Variants in MAGI1 observed in about 807,000 individuals in gnomAD.
MAGI1 encodes membrane-associated guanylate kinase, WW and PDZ domain-containing protein 1.
Under a neutral mutation model 139.9 loss-of-function variants are expected in MAGI1, and 58 were observed. The observed-to-expected ratio is 0.41, with a 90% confidence interval of 0.34 to 0.52. The LOEUF (loss-of-function observed/expected upper bound fraction) is 0.52. Ranked by LOEUF, MAGI1 falls within the 20% of genes least tolerant of loss-of-function variation. The pLI is 0.12. For missense variants in MAGI1, 1,874 were observed against 1,901.6 expected, an observed-to-expected ratio of 0.99 and a Z score of 0.27; for synonymous variants, 812 against 737.9, an observed-to-expected ratio of 1.10 and a Z score of -1.63.
At chr3:65,423,497 G>A (rs1433421264) in intron 12 of MAGI1, among the ~76,000 whole-genome samples, 1 of 152,230 alleles carries the variant, frequency 6.6e-6, no homozygotes, top group African/African-American at 2.4e-5. Flanking sequence ...AATATCATCA[G>A]TAAATTTTGA....
chr3:65,889,586 G>A (rs1470192138), intron 1 of MAGI1, among the ~76,000 whole-genome samples: 1 of 152,166 alleles, frequency 6.6e-6, no homozygotes, highest in Non-Finnish European at 1.5e-5. Context: ...TCGCCTAAAA[G>A]CTGCTGCCAG....
At chr3:65,690,224 T>C (rs939782179) in intron 1 of MAGI1, among the ~76,000 whole-genome samples, 1 of 152,212 alleles carries the variant, frequency 6.6e-6, no homozygotes, top group Non-Finnish European at 1.5e-5. Context: ...CAGGCAAATA[T>C]ATTCCTTGAG....
intron 2 of MAGI1, among the ~76,000 whole-genome samples, chr3:65,539,883 T>C (rs1559651190): frequency 6.6e-6 from 1 of 152,318 alleles, no homozygotes; most frequent in East Asian, 1.9e-4. Context: ...GCACTAACCC[T>C]AGGCTTCTCA....
rs1388046202 is a variant in MAGI1 at position 65,691,307 on chromosome 3, A to AAAAAAAAAAAAAAAAAAAAAAAG, written c.314-69220_314-69219insCTTTTTTTTTTTTTTTTTTTTTT. On this transcript the variant is annotated intron_variant, in intron 1 of 22. Coordinates refer to ENST00000402939, the MANE Select transcript of MAGI1 (RefSeq NM_001033057.2). ...GACAGAGCAAGACTCCGTCTCAAAA[A>AAAAAAAAAAAAAAAAAAAAAAAG]AAAAAAAAGAAAAGAAAAAGAAAAA... 3.4e-3 allele frequency among the ~76,000 whole-genome samples: 458 copies of AAAAAAAAAAAAAAAAAAAAAAAG among 133,536 alleles called. 20 individuals are homozygous for AAAAAAAAAAAAAAAAAAAAAAAG. The highest frequency in any genetic ancestry group is 6.0e-3 in the Non-Finnish European group (354 of 58,752). 87.6% of individuals were successfully genotyped at this position (133,536 alleles called of 152,430 possible). A position where few individuals can be genotyped will look rare whatever the true frequency, so the allele number is the denominator to read the frequency against.
intron 1 of MAGI1, among the ~76,000 whole-genome samples, chr3:65,820,528 T>G (rs1445860286): frequency 6.6e-6 from 1 of 152,110 alleles, no homozygotes; most frequent in Non-Finnish European, 1.5e-5. Context: ...TAGGCGTCCT[T>G]AATCTTTCGG....
intron 1 of MAGI1, among the ~76,000 whole-genome samples, chr3:65,953,422 G>A (rs1366356328): frequency 2.0e-5 from 3 of 152,154 alleles, no homozygotes; most frequent in Non-Finnish European, 4.4e-5. Context: ...GATAAGCCAG[G>A]TTTCAACTTC....
At chr3:65,508,699 T>C (rs2077409702) in intron 2 of MAGI1, among the ~76,000 whole-genome samples, 1 of 152,234 alleles carries the variant, frequency 6.6e-6, no homozygotes, top group African/African-American at 2.4e-5. Context: ...TCAATGAATC[T>C]GTATTAGAGA....
intron 1 of MAGI1, among the ~76,000 whole-genome samples, chr3:65,775,463 A>AT (rs3077784): frequency 0.38 from 43,193 of 112,508 alleles, 9,901 homozygotes; most frequent in East Asian, 0.81. Flanking sequence ...AAAAAAAAAA[A>AT]TTTTTTTAAG....
chr3:65,806,943 T>C (rs942507364), intron 1 of MAGI1, among the ~76,000 whole-genome samples: 2 of 152,186 alleles, frequency 1.3e-5, no homozygotes, highest in African/African-American at 4.8e-5. Context: ...TTGATGATGA[T>C]AACGATGGAA....
intron 3 of MAGI1, among the ~76,000 whole-genome samples, chr3:65,480,706 C>T (rs1430219001): frequency 6.6e-6 from 1 of 151,340 alleles, no homozygotes; most frequent in Non-Finnish European, 1.5e-5. Flanking sequence ...CAGTCTCAGC[C>T]TCCCAAGTAG....
In MAGI1 at chr3:65,451,538, C is replaced by T. The variant is rs550888876; in HGVS notation, c.1042+1720G>A. 4.6e-5 allele frequency among the ~76,000 whole-genome samples: 7 copies of T among 152,260 alleles called. No homozygotes were observed. The East Asian group carries it at 1.4e-3, about 29-fold the overall frequency. ...GATACTTGTGTAATATACTTACTGG[C>T]TCAGCATTCCTAATCCGAAAATCCA... is the stretch of plus-strand genomic sequence containing the variant. On this transcript the variant is annotated intron_variant, in intron 6 of 22. Transcript: ENST00000402939.
At chr3:65,400,295 G>A (rs555637157) in intron 13 of MAGI1, among the ~76,000 whole-genome samples, 10 of 152,270 alleles carry the variant, frequency 6.6e-5, no homozygotes, top group African/African-American at 2.4e-4. Context: ...ATTATTGCAG[G>A]TTTTTCTCTT....
chr3:65,559,878 T>A (rs921224481), intron 2 of MAGI1, among the ~76,000 whole-genome samples: 9 of 151,972 alleles, frequency 5.9e-5, no homozygotes, highest in Non-Finnish European at 1.3e-4. Flanking sequence ...GTATAAAATA[T>A]ACAAAAAGCT....
chr3:65,639,457 G>A (rs926708579), intron 1 of MAGI1, among the ~76,000 whole-genome samples: 1 of 152,152 alleles, frequency 6.6e-6, no homozygotes, highest in African/African-American at 2.4e-5. Flanking sequence ...ACTTAAATCT[G>A]CACAGGTATT....
chr3:65,545,815 G>C (rs1354246780), intron 2 of MAGI1, among the ~76,000 whole-genome samples: 2 of 152,008 alleles, frequency 1.3e-5, no homozygotes, highest in African/African-American at 4.8e-5. Flanking sequence ...AAAGCTTGCA[G>C]GCACTTAGCC....
chr3:65,532,597 T>C (rs565292892), intron 2 of MAGI1, among the ~76,000 whole-genome samples: 12 of 152,262 alleles, frequency 7.9e-5, no homozygotes, highest in African/African-American at 2.9e-4. Flanking sequence ...CTGGCTACAG[T>C]GCAAAAACAG....
chr3:65,819,875 C>CAAAAAAAAAAAAA lies in MAGI1; in HGVS notation c.314-197800_314-197788dup, dbSNP rs3077818. On this transcript the variant is annotated intron_variant, in intron 1 of 22. Transcript: ENST00000402939. ...CTAGCCACAGAGCAAGACTCCATCTCAAAAAAAAAAAAAAAAAAAAAAGGA... is the reference window on the plus strand; with the variant it reads ...CTAGCCACAGAGCAAGACTCCATCTCAAAAAAAAAAAAAAAAAAAAAAAAAAAAAAAAAAAGGA... Among the ~76,000 whole-genome samples, 41 of 33,468 alleles carry CAAAAAAAAAAAAA rather than the reference C, an allele frequency of 1.2e-3. 3 individuals are homozygous for CAAAAAAAAAAAAA. Among genetic ancestry groups the CAAAAAAAAAAAAA allele is most frequent in the Non-Finnish European group, 1.5e-3 (24 of 15,636 alleles). 22.0% of individuals were successfully genotyped at this position (33,468 alleles called of 152,430 possible). A position where few individuals can be genotyped will look rare whatever the true frequency, so the allele number is the denominator to read the frequency against.
chr3:65,870,431 T>TG (rs2059898625), intron 1 of MAGI1, among the ~76,000 whole-genome samples: 1 of 151,748 alleles, frequency 6.6e-6, no homozygotes, highest in Non-Finnish European at 1.5e-5. Flanking sequence ...AGGGCAAGGG[T>TG]GTGTCTTAAT....
At chr3:66,016,859 G>C (rs1360916562) in intron 1 of MAGI1, among the ~76,000 whole-genome samples, 1 of 152,200 alleles carries the variant, frequency 6.6e-6, no homozygotes, top group Non-Finnish European at 1.5e-5. Flanking sequence ...GATGAATCTT[G>C]AGGACATTAC....
Sources: gnomAD v4.1 joint callset for allele counts (sites outside exome capture counted in the v4.1 genomes callset) on GRCh38, gnomAD v4.1.1 for gene constraint, MANE v1.5 for transcripts, NCBI Gene and HGNC (gene_info 2026-07-23, HGNC 2026-07-21) for gene names.